The following CCDC178 variants were observed in gnomAD, a reference collection of about 807,000 sequenced individuals.
CCDC178 encodes the protein coiled-coil domain-containing protein 178.
In CCDC178, 126 loss-of-function variants were observed where a neutral mutation model predicts 117.4. The observed-to-expected ratio is 1.07, with a 90% confidence interval of 0.93 to 1.24. The LOEUF (loss-of-function observed/expected upper bound fraction) is 1.24. Ranked by LOEUF, CCDC178 falls within the 50% of genes most tolerant of loss-of-function variation. The pLI, the probability that CCDC178 is intolerant of heterozygous loss-of-function variation, is 0.00. For missense variants in CCDC178, 1,030 were observed against 986.9 expected, an observed-to-expected ratio of 1.04 and a Z score of -0.59; for synonymous variants, 283 against 313.4, an observed-to-expected ratio of 0.90 and a Z score of 1.02.
intron 20 of CCDC178, among the ~76,000 whole-genome samples, chr18:33,122,860 T>C (rs1186727243): frequency 6.6e-6 from 1 of 152,158 alleles, no homozygotes; most frequent in Non-Finnish European, 1.5e-5. Flanking sequence ...CTCAGTGTTC[T>C]ATGAAACAGT....
At chr18:33,325,363 A>C (rs1189989333) in intron 10 of CCDC178, among the ~76,000 whole-genome samples, 1 of 152,058 alleles carries the variant, frequency 6.6e-6, no homozygotes. Context: ...GTGCTATAAT[A>C]CATTTCTTTG....
chr18:33,415,139 G>A (rs925616385), intron 2 of CCDC178, among the ~76,000 whole-genome samples: 21 of 152,176 alleles, frequency 1.4e-4, no homozygotes, highest in East Asian at 1.9e-4. Flanking sequence ...GGAAGATAGC[G>A]TGGTGATTCC....
intron 22 of CCDC178, among the ~76,000 whole-genome samples, chr18:32,970,948 G>A (rs1412388229): frequency 6.6e-6 from 1 of 152,010 alleles, no homozygotes; most frequent in Non-Finnish European, 1.5e-5. Context: ...GAATCATTTT[G>A]TAGAGGAAGT....
chr18:33,111,848 A>G (rs1364234806), intron 20 of CCDC178, among the ~76,000 whole-genome samples: 3 of 151,760 alleles, frequency 2.0e-5, no homozygotes, highest in Non-Finnish European at 3.0e-5. Context: ...AAATATTATT[A>G]AGATAAAGTT....
chr18:33,007,138 T>C (rs952753244), intron 21 of CCDC178, among the ~76,000 whole-genome samples: 17 of 152,072 alleles, frequency 1.1e-4, no homozygotes, highest in Non-Finnish European at 4.4e-5. Context: ...TACTTCGGTA[T>C]AGGAGATGCA....
chr18:33,258,424 C>G (rs2059704972), intron 14 of CCDC178, among the ~76,000 whole-genome samples: 1 of 152,132 alleles, frequency 6.6e-6, no homozygotes, highest in Admixed American at 6.6e-5. Flanking sequence ...TCATTCCGGT[C>G]TCAATTCCAA....
chr18:32,946,914 G>A (rs2054367495), intron 22 of CCDC178, among the ~76,000 whole-genome samples: 1 of 151,738 alleles, frequency 6.6e-6, no homozygotes, highest in South Asian at 2.1e-4. Flanking sequence ...GGAGTAGCTG[G>A]GACTACCGGC....
At chr18:33,109,877 T>C (rs575125369) in intron 20 of CCDC178, among the ~76,000 whole-genome samples, 89 of 151,650 alleles carry the variant, frequency 5.9e-4, no homozygotes, top group African/African-American at 2.0e-3. Flanking sequence ...TGTCCATAAA[T>C]TAATTTGGGA....
intron 15 of CCDC178, among the ~76,000 whole-genome samples, chr18:33,234,829 G>A (rs557247032): frequency 1.3e-5 from 2 of 152,036 alleles, no homozygotes; most frequent in Non-Finnish European, 2.9e-5. Flanking sequence ...CTCCAGATTC[G>A]ACATGCTATA....
At chr18:33,332,498 T>C (rs1024186626) in intron 10 of CCDC178, among the ~76,000 whole-genome samples, 1 of 152,204 alleles carries the variant, frequency 6.6e-6, no homozygotes, top group African/African-American at 2.4e-5. Context: ...GAAATTAATA[T>C]ATTTTACTTC....
Position 33,323,570 on chromosome 18 carries a change from C to A in CCDC178, c.943G>T (p.Ala315Ser). ...TTAATTTGCTGAGCCTTCAATCTGGCATTTTCACAGGCTTCTAAAGCTTCT... is the reference window on the plus strand; with the variant it reads ...TTAATTTGCTGAGCCTTCAATCTGGAATTTTCACAGGCTTCTAAAGCTTCT... The part of the protein sequence containing the change: ...LEEALEACEN[A>S]RLKAQQIKEE... The change falls in exon 11 of 23, where the codon GCC becomes TCC. Residue 315 changes from alanine to serine, a missense_variant. Transcript: ENST00000383096. 1 of 1,572,400 alleles carries A rather than the reference C, an allele frequency of 6.4e-7. No homozygotes were observed. Among genetic ancestry groups the A allele is most frequent in the South Asian group, 1.2e-5 (1 of 84,112 alleles).
At chr18:33,246,806 G>A (rs1176809569) in intron 14 of CCDC178, among the ~76,000 whole-genome samples, 1 of 151,772 alleles carries the variant, frequency 6.6e-6, no homozygotes, top group East Asian at 2.0e-4. Flanking sequence ...AGGAGCAAAG[G>A]CATTGAGGAG....
chr18:33,248,887 T>C (rs4799680), intron 14 of CCDC178, among the ~76,000 whole-genome samples: 126,316 of 150,940 alleles, frequency 0.84, 53,446 homozygotes, highest in South Asian at 0.92. Context: ...CCACCAACAG[T>C]GTAAAAGTGT....
rs200308108 is a variant in CCDC178 at position 33,119,321 on chromosome 18, A to T, written c.2239-26411T>A. ...AAGGGCTAATATCCAGAATCTACAA[A>T]GAACTTAAACAAATTTACAAGAAAA... On this transcript the variant is annotated intron_variant, in intron 20 of 22. Transcript: ENST00000383096. 6.6e-5 allele frequency among the ~76,000 whole-genome samples: 10 copies of T among 152,278 alleles called. No homozygotes were observed. The East Asian group carries it at 1.9e-3, about 29-fold the overall frequency.
intron 20 of CCDC178, among the ~76,000 whole-genome samples, chr18:33,117,896 C>T (rs907962107): frequency 6.6e-6 from 1 of 151,946 alleles, no homozygotes; most frequent in African/African-American, 2.4e-5. Flanking sequence ...TGACATTTAT[C>T]ACAAGACATG....
chr18:33,019,923 T>C (rs2056076453), intron 21 of CCDC178, among the ~76,000 whole-genome samples: 1 of 23,322 alleles, frequency 4.3e-5, no homozygotes, highest in South Asian at 3.1e-3. Context: ...ATATTATTAT[T>C]ATTATTATTA....
chr18:33,331,602 C>T (rs949439380), intron 10 of CCDC178, among the ~76,000 whole-genome samples: 16 of 152,072 alleles, frequency 1.1e-4, no homozygotes, highest in African/African-American at 3.9e-4. Flanking sequence ...ATAACTCCTA[C>T]CTACATCTCA....
At chr18:33,418,674 C>T (rs566173446) in intron 2 of CCDC178, among the ~76,000 whole-genome samples, 1 of 152,034 alleles carries the variant, frequency 6.6e-6, no homozygotes, top group African/African-American at 2.4e-5. Context: ...GGATAAAAAT[C>T]AGTAGCATGT....
At chr18:33,310,455 C>G (rs905804695) in intron 11 of CCDC178, among the ~76,000 whole-genome samples, 2 of 152,038 alleles carry the variant, frequency 1.3e-5, no homozygotes, top group Admixed American at 1.3e-4. Context: ...ACTTTGGGGG[C>G]CAAGGGTAGA....
Sources: gnomAD v4.1 joint callset for allele counts (sites outside exome capture counted in the v4.1 genomes callset) on GRCh38, gnomAD v4.1.1 for gene constraint, MANE v1.5 for transcripts, NCBI Gene and HGNC (gene_info 2026-07-23, HGNC 2026-07-21) for gene names.